The following CFAP96 variants were observed in gnomAD, a reference collection of about 807,000 sequenced individuals.
CFAP96 encodes the protein cilia and flagella associated protein 96.
the CFAP96 span, chr4:185,415,348 C>CCCCA: frequency 6.4e-7 from 1 of 1,568,982 alleles, no homozygotes; most frequent in South Asian, 1.2e-5. Context: ...TTTACGAACT[C>CCCCA]TGTGGGGGGA....
the CFAP96 span, among the ~76,000 whole-genome samples, chr4:185,416,667 C>G: frequency 6.6e-6 from 1 of 152,302 alleles, no homozygotes; most frequent in East Asian, 1.9e-4. Flanking sequence ...ATGACTGATT[C>G]TCCAGCTAGA....
the CFAP96 span, among the ~76,000 whole-genome samples, chr4:185,434,696 C>T: frequency 1.4e-5 from 2 of 138,514 alleles, no homozygotes; most frequent in African/African-American, 5.2e-5. Context: ...CCCTATAAGA[C>T]ACTTATTGAA....
At chr4:185,410,070 G>C in the CFAP96 span, among the ~76,000 whole-genome samples, 1 of 151,996 alleles carries the variant, frequency 6.6e-6, no homozygotes, top group Non-Finnish European at 1.5e-5. Flanking sequence ...ACAAATACAA[G>C]TTTCAATAAA....
the CFAP96 span, chr4:185,436,206 T>A: frequency 6.5e-7 from 1 of 1,545,604 alleles, no homozygotes; most frequent in Non-Finnish European, 8.7e-7. Flanking sequence ...TAATACTTTG[T>A]CATATCGTTT....
the CFAP96 span, chr4:185,445,360 A>G: frequency 1.3e-6 from 1 of 757,428 alleles, no homozygotes; most frequent in Admixed American, 2.7e-5. Context: ...GCACCAAACC[A>G]TTCTGTGCAT....
chr4:185,429,154 AG>A, the CFAP96 span, among the ~76,000 whole-genome samples: 1 of 152,178 alleles, frequency 6.6e-6, no homozygotes, highest in Non-Finnish European at 1.5e-5. Context: ...GCTCATCTGG[AG>A]AATTTTGAAT....
the CFAP96 span, chr4:185,415,159 C>T: frequency 1.9e-6 from 3 of 1,590,818 alleles, no homozygotes; most frequent in Admixed American, 3.8e-5. Context: ...TTTTACCTTC[C>T]TATAGGCCTG....
At chr4:185,409,530 T>C in the CFAP96 span, among the ~76,000 whole-genome samples, 1 of 152,062 alleles carries the variant, frequency 6.6e-6, no homozygotes, top group East Asian at 1.9e-4. Flanking sequence ...TGAGAGGAGA[T>C]AGGGACAAGA....
the CFAP96 span, among the ~76,000 whole-genome samples, chr4:185,433,411 AAAG>A: frequency 0.092 from 761 of 8,246 alleles, 14 homozygotes; most frequent in Middle Eastern, 0.12. Flanking sequence ...AAAAAAAAAA[AAAG>A]AAAAGAAAAG....
chr4:185,429,493 T>A, the CFAP96 span: 1 of 1,530,310 alleles, frequency 6.5e-7, no homozygotes, highest in Non-Finnish European at 8.8e-7. Context: ...GGGTGATAAA[T>A]ATGTGTCACA....
the CFAP96 span, chr4:185,445,434 G>T: frequency 9.0e-7 from 1 of 1,108,802 alleles, no homozygotes; most frequent in Non-Finnish European, 1.3e-6. Flanking sequence ...GATATGCATA[G>T]TTCAGTTAGC....
At chr4:185,436,422 T>G in the CFAP96 span, 1 of 1,263,958 alleles carries the variant, frequency 7.9e-7, no homozygotes, top group South Asian at 1.3e-5. Context: ...TATTAATAAT[T>G]CACTTGAGGC....
chr4:185,447,786 C>T, the CFAP96 span, among the ~76,000 whole-genome samples: 1 of 152,294 alleles, frequency 6.6e-6, no homozygotes, highest in South Asian at 2.1e-4. Flanking sequence ...ACCCCCCAAA[C>T]TCTAATACTA....
At chr4:185,446,397 G>C in the CFAP96 span, among the ~76,000 whole-genome samples, 1 of 152,094 alleles carries the variant, frequency 6.6e-6, no homozygotes, top group Non-Finnish European at 1.5e-5. Context: ...GTTCATACTT[G>C]TACTACTCTT....
chr4:185,425,596 C>G, the CFAP96 span, among the ~76,000 whole-genome samples: 3 of 152,222 alleles, frequency 2.0e-5, no homozygotes, highest in African/African-American at 7.2e-5. Flanking sequence ...TCAAAAACGC[C>G]GAAGTCTCTC....
At chr4:185,420,503 A>G in the CFAP96 span, among the ~76,000 whole-genome samples, 1 of 152,118 alleles carries the variant, frequency 6.6e-6, no homozygotes, top group East Asian at 1.9e-4. Flanking sequence ...AGTATTTAAA[A>G]AATAAATAAA....
At chr4:185,443,333 TATA>T in the CFAP96 span, among the ~76,000 whole-genome samples, 86 of 35,068 alleles carry the variant, frequency 2.5e-3, no homozygotes, top group Admixed American at 8.4e-3. Flanking sequence ...TATATATATA[TATA>T]TATATATTTT....
At chr4:185,444,548 T>A in the CFAP96 span, among the ~76,000 whole-genome samples, 7 of 152,136 alleles carry the variant, frequency 4.6e-5, no homozygotes, top group Non-Finnish European at 1.0e-4. Context: ...ACTTTTTTTT[T>A]AAAGTATCTT....
chr4:185,419,126 T>C, the CFAP96 span, among the ~76,000 whole-genome samples: 1 of 151,958 alleles, frequency 6.6e-6, no homozygotes, highest in Non-Finnish European at 1.5e-5. Flanking sequence ...CTGATTTACC[T>C]CCTACATCTT....
Sources: gnomAD v4.1 joint callset for allele counts (sites outside exome capture counted in the v4.1 genomes callset) on GRCh38, gnomAD v4.1.1 for gene constraint, MANE v1.5 for transcripts, NCBI Gene and HGNC (gene_info 2026-07-23, HGNC 2026-07-21) for gene names.